ZNF704: variants seen among roughly 807,000 people sequenced by gnomAD.
The protein encoded by ZNF704 is zinc finger protein 704, also known as glucocorticoid induced gene 1.
ZNF704 carries 10 observed loss-of-function variants against 44.7 expected under a neutral mutation model. The observed-to-expected ratio is 0.22, with a 90% confidence interval of 0.14 to 0.38. ZNF704 has a LOEUF of 0.38. Among genes scored for constraint, ZNF704 ranks in the 10% least tolerant of loss-of-function variants. The pLI is 1.00. For synonymous variants in ZNF704, 211 were observed against 207.6 expected, an observed-to-expected ratio of 1.02 and a Z score of -0.14; for missense variants, 390 against 545.5, an observed-to-expected ratio of 0.71 and a Z score of 2.84.
intron 4 of ZNF704, among the ~76,000 whole-genome samples, chr8:80,677,839 A>G (rs1161872572): frequency 6.6e-6 from 1 of 152,188 alleles, no homozygotes; most frequent in African/African-American, 2.4e-5. Context: ...ACTTTGTAAA[A>G]TTTACTTAGT....
At chr8:80,741,414 A>G (rs1442717434) in intron 2 of ZNF704, among the ~76,000 whole-genome samples, 4 of 152,318 alleles carry the variant, frequency 2.6e-5, no homozygotes, top group African/African-American at 9.6e-5. Context: ...GGCATACTTG[A>G]GTAAGAAAAT....
At chr8:80,823,482 C>T (rs971131751) in intron 1 of ZNF704, among the ~76,000 whole-genome samples, 1 of 152,248 alleles carries the variant, frequency 6.6e-6, no homozygotes, top group African/African-American at 2.4e-5. Context: ...TCTGTAGACT[C>T]CACCTCTGGG....
At chr8:80,785,465 C>T (rs768862986) in intron 2 of ZNF704, among the ~76,000 whole-genome samples, 11 of 152,126 alleles carry the variant, frequency 7.2e-5, no homozygotes, top group African/African-American at 2.4e-4. Context: ...GTGGGAGTAT[C>T]GACAAAAGTT....
chr8:80,709,088 A>G (rs553155972), intron 2 of ZNF704, among the ~76,000 whole-genome samples: 3 of 152,282 alleles, frequency 2.0e-5, no homozygotes, highest in Admixed American at 6.5e-5. Context: ...TGTTATTTCT[A>G]TGAAGGTTCA....
chr8:80,872,238 G>A (rs1809265112), intron 1 of ZNF704, among the ~76,000 whole-genome samples: 2 of 152,128 alleles, frequency 1.3e-5, no homozygotes, highest in Admixed American at 6.5e-5. Flanking sequence ...ATGTGGTCAC[G>A]GTTTGGATTT....
chr8:80,664,494 C>A (rs934894907), intron 6 of ZNF704, among the ~76,000 whole-genome samples: 3 of 152,114 alleles, frequency 2.0e-5, no homozygotes, highest in Admixed American at 2.0e-4. Flanking sequence ...TGGTCTCGAA[C>A]TCCCGACCTC....
At chr8:80,776,287 A>C (rs1807409731) in intron 2 of ZNF704, among the ~76,000 whole-genome samples, 1 of 152,194 alleles carries the variant, frequency 6.6e-6, no homozygotes, top group African/African-American at 2.4e-5. Flanking sequence ...AGAACTGCTA[A>C]ATTCTTTCCC....
chr8:80,667,424 A>T (rs983331637), intron 5 of ZNF704, among the ~76,000 whole-genome samples: 1 of 152,200 alleles, frequency 6.6e-6, no homozygotes, highest in Non-Finnish European at 1.5e-5. Flanking sequence ...CAGGACAGGC[A>T]AGCAGTGCAA....
intron 2 of ZNF704, among the ~76,000 whole-genome samples, chr8:80,752,525 G>C (rs1297803384): frequency 6.7e-6 from 1 of 148,698 alleles, no homozygotes; most frequent in Non-Finnish European, 1.5e-5. Flanking sequence ...CTGCTTTGGG[G>C]GTAAACTTAA....
chr8:80,689,592 C>G (rs1428627157), intron 3 of ZNF704, among the ~76,000 whole-genome samples: 1 of 152,114 alleles, frequency 6.6e-6, no homozygotes, highest in Non-Finnish European at 1.5e-5. Flanking sequence ...CCTTGGCAGG[C>G]CCGGGTGGCT....
At chr8:80,800,540 A>G (rs1271135994) in intron 2 of ZNF704, among the ~76,000 whole-genome samples, 1 of 152,186 alleles carries the variant, frequency 6.6e-6, no homozygotes, top group Non-Finnish European at 1.5e-5. Context: ...TTCAACCCAG[A>G]ATGTCACATC....
intron 1 of ZNF704, among the ~76,000 whole-genome samples, chr8:80,869,437 A>T (rs1163144614): frequency 6.6e-6 from 1 of 152,194 alleles, no homozygotes; most frequent in Non-Finnish European, 1.5e-5. Flanking sequence ...GAGAAAACAG[A>T]AGCCATCAGA....
chr8:80,781,082 T>C (rs1420221510), intron 2 of ZNF704, among the ~76,000 whole-genome samples: 1 of 152,176 alleles, frequency 6.6e-6, no homozygotes, highest in Non-Finnish European at 1.5e-5. Flanking sequence ...TCCTTTCCCA[T>C]ATCCTTAGCT....
At chr8:80,839,417 A>G (rs1194685235) in intron 1 of ZNF704, among the ~76,000 whole-genome samples, 1 of 152,250 alleles carries the variant, frequency 6.6e-6, no homozygotes. Flanking sequence ...AAAACTAATG[A>G]ACTCACATTT....
intron 1 of ZNF704, among the ~76,000 whole-genome samples, chr8:80,822,478 G>T (rs1278703983): frequency 6.6e-6 from 1 of 152,128 alleles, no homozygotes; most frequent in African/African-American, 2.4e-5. Context: ...CCAACTCTTT[G>T]CTATTGTGAA....
upstream of ZNF704, among the ~76,000 whole-genome samples, chr8:80,876,653 T>C (rs1809359967): frequency 1.3e-5 from 2 of 152,192 alleles, no homozygotes; most frequent in Non-Finnish European, 2.9e-5. Flanking sequence ...TGTTTCCTCA[T>C]CTGTGAAATG....
chr8:80,736,837 C>T (rs976215910), intron 2 of ZNF704, among the ~76,000 whole-genome samples: 4 of 152,020 alleles, frequency 2.6e-5, no homozygotes, highest in African/African-American at 7.3e-5. Flanking sequence ...TCCCCCAAAA[C>T]CTACTGAAAT....
intron 2 of ZNF704, among the ~76,000 whole-genome samples, chr8:80,744,069 G>A (rs1806806652): frequency 6.6e-6 from 1 of 152,120 alleles, no homozygotes; most frequent in Non-Finnish European, 1.5e-5. Context: ...GAGATGTACT[G>A]TGAGTTTAAA....
intron 7 of ZNF704, among the ~76,000 whole-genome samples, chr8:80,643,705 C>A (rs942675474): frequency 6.6e-6 from 1 of 152,002 alleles, no homozygotes; most frequent in Non-Finnish European, 1.5e-5. Flanking sequence ...TTTCAAGTGG[C>A]TCATAATACC....
Sources: gnomAD v4.1 joint callset for allele counts (sites outside exome capture counted in the v4.1 genomes callset) on GRCh38, gnomAD v4.1.1 for gene constraint, MANE v1.5 for transcripts, NCBI Gene and HGNC (gene_info 2026-07-23, HGNC 2026-07-21) for gene names.